UBXN4: variants seen among roughly 807,000 people sequenced by gnomAD.
UBXN4 encodes UBX domain-containing protein 4.
A neutral mutation model predicts 66.2 loss-of-function variants in UBXN4; 35 were observed. The observed-to-expected ratio is 0.53, with a 90% CI of 0.40 to 0.70. UBXN4 has a LOEUF of 0.70. Ranked by LOEUF, UBXN4 falls within the 30% of genes least tolerant of loss-of-function variation. The pLI, the probability that UBXN4 is intolerant of heterozygous loss-of-function variation, is 0.00. For missense variants in UBXN4, 533 were observed against 599.8 expected, an observed-to-expected ratio of 0.89 and a Z score of 1.16; for synonymous variants, 203 against 204.5, an observed-to-expected ratio of 0.99 and a Z score of 0.06.
At position 135,776,260 on chromosome 2, in the gene UBXN4, G is replaced by A; in HGVS notation, c.962G>A (p.Arg321Lys). ...TTCTTTTTTCATAGCACTGTTGCAA[G>A]AATTCAATTCCGTCTTCCTGATGGT... ...SYARERSTVARIQFRLPDGSS... is the reference protein window; with the variant it reads ...SYARERSTVAKIQFRLPDGSS... The change falls in exon 10 of 13, where the codon AGA (arginine) becomes AAA (lysine). Residue 321 changes from arginine (R) to lysine (K), a missense_variant. By Grantham distance (26) the Arg-to-Lys change is conservative (BLOSUM62 2). Coordinates refer to ENST00000272638, the MANE Select transcript of UBXN4 (RefSeq NM_014607.4). 6.2e-7 allele frequency: 1 copy of A among 1,613,878 alleles called. No individual in the cohort carries two copies. The highest frequency in any genetic ancestry group is 8.5e-7 in the Non-Finnish European group (1 of 1,179,894).
intron 9 of UBXN4, among the ~76,000 whole-genome samples, chr2:135,775,835 C>T (rs142232521): frequency 1.5e-4 from 23 of 152,270 alleles, no homozygotes; most frequent in Middle Eastern, 6.8e-3. Flanking sequence ...GGCATGATCT[C>T]GGCTTACTGC....
At chr2:135,764,381 A>G (rs2077335089) in intron 6 of UBXN4, among the ~76,000 whole-genome samples, 1 of 152,228 alleles carries the variant, frequency 6.6e-6, no homozygotes, top group Non-Finnish European at 1.5e-5. Flanking sequence ...CTTGTACATA[A>G]GAACATAGTC....
intron 8 of UBXN4, among the ~76,000 whole-genome samples, chr2:135,771,013 C>T (rs2077379718): frequency 6.6e-6 from 1 of 152,050 alleles, no homozygotes; most frequent in South Asian, 2.1e-4. Flanking sequence ...AAGCTAAGTA[C>T]TAGTACCTAC....
intron 1 of UBXN4, among the ~76,000 whole-genome samples, chr2:135,744,691 GCT>G (rs1399237866): frequency 6.6e-6 from 1 of 152,108 alleles, no homozygotes; most frequent in Admixed American, 6.6e-5. Context: ...AGTTCGTGTT[GCT>G]CTCTTTAAGT....
At chr2:135,744,014 G>A (rs895010830) in intron 1 of UBXN4, among the ~76,000 whole-genome samples, 3 of 152,184 alleles carry the variant, frequency 2.0e-5, no homozygotes, top group African/African-American at 7.2e-5. Context: ...CCAAAATCCA[G>A]CTAGCTTTTT....
At chr2:135,780,505 GAGAAAAACTCC>G (rs2077443288) in intron 12 of UBXN4, 120 bp downstream of exon 12, 2 of 867,100 alleles carry the variant, frequency 2.3e-6, no homozygotes, top group South Asian at 3.3e-5. Flanking sequence ...CACGGTGGAG[GAGAAAAACTCC>G]GATGCTCTGA....
intron 2 of UBXN4, among the ~76,000 whole-genome samples, chr2:135,750,835 C>CTTTTTTTTTT (rs1166056661): frequency 1.3e-5 from 1 of 77,472 alleles, no homozygotes; most frequent in African/African-American, 5.2e-5. Flanking sequence ...ATGTGTCTGG[C>CTTTTTTTTTT]TTTTTTTTTT....
intron 8 of UBXN4, among the ~76,000 whole-genome samples, chr2:135,771,612 GAGTGCAGTGGCGCAATCTTGGCTC>G (rs2077384008): frequency 1.3e-5 from 2 of 152,172 alleles, no homozygotes; most frequent in African/African-American, 4.8e-5. Flanking sequence ...GCTCAGGCTA[GAGTGCAGTGGCGCAATCTTGGCTC>G]ACTGCAACTT....
intron 6 of UBXN4, among the ~76,000 whole-genome samples, chr2:135,767,719 A>C (rs2077356941): frequency 6.6e-6 from 1 of 152,142 alleles, no homozygotes; most frequent in African/African-American, 2.4e-5. Context: ...GCTATGAGGA[A>C]TATTCTTGTA....
chr2:135,754,481 C>T (rs1374422826), intron 4 of UBXN4, among the ~76,000 whole-genome samples: 1 of 152,146 alleles, frequency 6.6e-6, no homozygotes, highest in Non-Finnish European at 1.5e-5. Flanking sequence ...TGCCACCACA[C>T]TGAGCTGATT....
At position 135,773,645 on chromosome 2, in the gene UBXN4, T is replaced by A. The variant is rs567573714; in HGVS notation, c.950+1098T>A. On this transcript the variant is annotated intron_variant, in intron 9 of 12. Transcript: ENST00000272638. ...GAAGGCAGTTCCCAAAACAAAAATA[T>A]GTTGAAAAGACAAAAAAAGTTTAGA... Among the ~76,000 whole-genome samples the A allele has an allele frequency of 2.0e-5, 3 of 152,268 alleles. No individual in the cohort carries two copies. The East Asian group carries it at 5.8e-4, about 29-fold the overall frequency.
At chr2:135,778,127 A>G (rs1227302107) in intron 10 of UBXN4, among the ~76,000 whole-genome samples, 2 of 151,286 alleles carry the variant, frequency 1.3e-5, no homozygotes, top group Admixed American at 1.3e-4. Context: ...CAGTGAGCCA[A>G]GATCGCGCCA....
intron 4 of UBXN4, 90 bp downstream of exon 4, chr2:135,754,367 G>A: frequency 1.0e-6 from 1 of 994,276 alleles, no homozygotes; most frequent in Non-Finnish European, 1.6e-6. Flanking sequence ...TGTCGCCCAG[G>A]CTGGAGTGCA....
At chr2:135,778,694 TTG>T (rs766933850) in intron 10 of UBXN4, among the ~76,000 whole-genome samples, 21 of 152,232 alleles carry the variant, frequency 1.4e-4, no homozygotes, top group Non-Finnish European at 5.9e-5. Context: ...CTCAATTTAT[TTG>T]TGTGTTTTTA....
chr2:135,755,600 A>G lies in UBXN4; in HGVS notation c.417A>G (p.Glu139=), dbSNP rs777433746. 7.5e-6 allele frequency: 12 copies of G among 1,610,146 alleles called. 1 individual carries two copies. The highest frequency in any genetic ancestry group is 3.3e-4 in the Middle Eastern group (2 of 6,058). ...SSVSTPSASF[E]PNNTCENSQS... ...TGTCTACTCCATCTGCGTCATTTGA[A>G]CCTAACAACACTTGTGAAAACTCTC... Residue 139 remains glutamate, a synonymous_variant, in exon 5 of 13, where the codon GAA becomes GAG. Coordinates refer to ENST00000272638, the MANE Select transcript of UBXN4 (RefSeq NM_014607.4).
intron 5 of UBXN4, among the ~76,000 whole-genome samples, chr2:135,759,128 G>A (rs1326272422): frequency 6.6e-6 from 1 of 152,112 alleles, no homozygotes; most frequent in Non-Finnish European, 1.5e-5. Context: ...CGAACTCGAG[G>A]TACTCATCAT....
chr2:135,772,394 A>G (rs1280314899), intron 8 of UBXN4, 26 bp from the exon 9 acceptor site: 1 of 1,609,090 alleles, frequency 6.2e-7, no homozygotes, highest in Admixed American at 1.7e-5. Context: ...CAGTAAAGGT[A>G]ATTGGTATTT....
At position 135,755,602 on chromosome 2, in the gene UBXN4, C is replaced by T; in HGVS notation, c.419C>T (p.Pro140Leu). Reference sequence around the variant, plus strand: ...TCTACTCCATCTGCGTCATTTGAACCTAACAACACTTGTGAAAACTCTCAG... The same window carrying T: ...TCTACTCCATCTGCGTCATTTGAACTTAACAACACTTGTGAAAACTCTCAG... ...SVSTPSASFE[P>L]NNTCENSQSR... Residue 140 changes from proline (P) to leucine (L), a missense_variant, in exon 5 of 13, where the codon CCT becomes CTT. By Grantham distance (98) the Pro-to-Leu change is moderately conservative. This residue lies in a region of UBXN4 where 529 missense variants were observed against 580.1 expected (regional missense o/e 0.91). Transcript: ENST00000272638. The T allele has an allele frequency of 6.2e-7, 1 of 1,610,074 alleles. No individual in the cohort carries two copies. Among genetic ancestry groups the T allele is most frequent in the African/African-American group, 1.3e-5 (1 of 74,880 alleles).
intron 1 of UBXN4, among the ~76,000 whole-genome samples, chr2:135,747,262 C>T (rs1026838647): frequency 2.0e-5 from 3 of 147,146 alleles, no homozygotes; most frequent in South Asian, 2.1e-4. Context: ...GCAGGAGAAT[C>T]GCTTGAACCC....
Sources: gnomAD v4.1 joint callset for allele counts (sites outside exome capture counted in the v4.1 genomes callset) on GRCh38, gnomAD v4.1.1 for gene constraint, gnomAD v4.1.1 regional missense constraint, MANE v1.5 for transcripts, NCBI Gene and HGNC (gene_info 2026-07-23, HGNC 2026-07-21) for gene names.